Variants in TMEM244 observed in about 807,000 individuals in gnomAD.
The protein encoded by TMEM244 is putative transmembrane protein 244.
TMEM244 carries 13 observed loss-of-function variants against 15.8 expected under a neutral mutation model. The ratio of observed to expected loss-of-function variants is 0.82; its 90% CI spans 0.53 to 1.30. TMEM244 has a LOEUF of 1.30. Among genes scored for constraint, TMEM244 ranks in the 50% most tolerant of loss-of-function variants. TMEM244 has a pLI of 0.00. For synonymous variants in TMEM244, 45 were observed against 48.7 expected, an observed-to-expected ratio of 0.92 and a Z score of 0.32; for missense variants, 161 against 144.9, an observed-to-expected ratio of 1.11 and a Z score of -0.57.
intron 1 of TMEM244, among the ~76,000 whole-genome samples, chr6:129,850,488 ACTCTAT>A (rs887726198): frequency 6.6e-6 from 1 of 152,066 alleles, no homozygotes; most frequent in Admixed American, 6.6e-5. Flanking sequence ...GAAACTGTTG[ACTCTAT>A]CTCCCAATTT....
chr6:129,838,136 A>G (rs1361064510), intron 3 of TMEM244, among the ~76,000 whole-genome samples: 5 of 152,210 alleles, frequency 3.3e-5, no homozygotes, highest in African/African-American at 9.6e-5. Context: ...TCAGCACCAC[A>G]TCGCACTTAC....
chr6:129,858,007 A>T (rs771414972), intron 1 of TMEM244, among the ~76,000 whole-genome samples: 1 of 152,000 alleles, frequency 6.6e-6, no homozygotes, highest in Non-Finnish European at 1.5e-5. Flanking sequence ...TTCTGCTTAG[A>T]TATATGAACA....
intron 1 of TMEM244, among the ~76,000 whole-genome samples, chr6:129,860,171 C>A (rs1208251341): frequency 6.7e-6 from 1 of 149,704 alleles, no homozygotes; most frequent in Non-Finnish European, 1.5e-5. Flanking sequence ...TCTGTGTAAG[C>A]CCCGACTAAA....
At chr6:129,849,431 T>C (rs1351124615) in intron 1 of TMEM244, among the ~76,000 whole-genome samples, 2 of 152,196 alleles carry the variant, frequency 1.3e-5, no homozygotes, top group African/African-American at 4.8e-5. Flanking sequence ...CTTCCTCTGC[T>C]TGATGTCTTT....
chr6:129,850,375 C>T (rs980499735), intron 1 of TMEM244, among the ~76,000 whole-genome samples: 9 of 151,956 alleles, frequency 5.9e-5, no homozygotes, highest in Admixed American at 3.9e-4. Context: ...GCCATTAGGT[C>T]GGGAAAGTAT....
At chr6:129,853,929 A>C (rs1776669786) in intron 1 of TMEM244, among the ~76,000 whole-genome samples, 1 of 152,136 alleles carries the variant, frequency 6.6e-6, no homozygotes, top group South Asian at 2.1e-4. Context: ...ATAATTCAAA[A>C]CGGGAAAGCT....
intron 3 of TMEM244, among the ~76,000 whole-genome samples, chr6:129,838,439 T>C (rs184422896): frequency 1.3e-5 from 2 of 152,308 alleles, no homozygotes; most frequent in Admixed American, 1.3e-4. Context: ...TAAAGCAGTA[T>C]GTAGAGGGAA....
chr6:129,840,080 T>G (rs1254379922), intron 3 of TMEM244, among the ~76,000 whole-genome samples: 1 of 152,084 alleles, frequency 6.6e-6, no homozygotes, highest in African/African-American at 2.4e-5. Context: ...AAAAAACTAC[T>G]CTAAAGTTCA....
At chr6:129,838,319 C>T (rs1389623036) in intron 3 of TMEM244, among the ~76,000 whole-genome samples, 1 of 152,174 alleles carries the variant, frequency 6.6e-6, no homozygotes, top group Non-Finnish European at 1.5e-5. Flanking sequence ...ACTGAACAAC[C>T]TGCTCCTGAA....
At chr6:129,845,491 A>G (rs1040740689) in intron 2 of TMEM244, among the ~76,000 whole-genome samples, 1 of 152,162 alleles carries the variant, frequency 6.6e-6, no homozygotes, top group Non-Finnish European at 1.5e-5. Flanking sequence ...TTAAATAATG[A>G]AAGTAGGCTG....
At chr6:129,856,212 T>C (rs1198765832) in intron 1 of TMEM244, among the ~76,000 whole-genome samples, 1 of 152,152 alleles carries the variant, frequency 6.6e-6, no homozygotes, top group Non-Finnish European at 1.5e-5. Context: ...ATACTGCCTG[T>C]GTTCTTTTTA....
chr6:129,843,195 A>G (rs893131711), intron 3 of TMEM244, among the ~76,000 whole-genome samples: 1 of 152,074 alleles, frequency 6.6e-6, no homozygotes, highest in Non-Finnish European at 1.5e-5. Context: ...TCTATTTTAT[A>G]TCTCACAAAT....
rs1472494434 is a variant in TMEM244, at chr6:129,843,473, T to A, written c.193+57A>T. The A allele has an allele frequency of 3.3e-6, 4 of 1,195,856 alleles. No individual in the cohort carries two copies. The East Asian group carries it at 7.2e-5, about 21-fold the overall frequency. The allele number at this position is 1,195,856 out of a possible 1,614,324, so 74.1% of individuals were successfully genotyped here. ...TAAAATTTTTTTATTAAAAAATTTATGGGGTTAGTGGCATTTAGTTCACTA... is the reference window on the plus strand; with the variant it reads ...TAAAATTTTTTTATTAAAAAATTTAAGGGGTTAGTGGCATTTAGTTCACTA... On this transcript the variant is annotated intron_variant, in intron 3 of 4. Coordinates refer to ENST00000368143, the MANE Select transcript of TMEM244 (RefSeq NM_001010876.2).
In TMEM244 at chr6:129,854,381, T is replaced by C. The variant is rs566573635; in HGVS notation, c.33+6775A>G. Among the ~76,000 whole-genome samples the C allele has an allele frequency of 5.9e-5, 9 of 152,102 alleles. No individual in the cohort carries two copies. The South Asian group carries it at 1.5e-3, about 25-fold the overall frequency. ...CAATCTTTGCTGCACAGTGAGAGAG[T>C]CACCAATCAGGAGATAATTATCAAG... On this transcript the variant is annotated intron_variant, in intron 1 of 4. Coordinates refer to ENST00000368143, the MANE Select transcript of TMEM244 (RefSeq NM_001010876.2).
chr6:129,845,972 T>C, intron 1 of TMEM244, 120 bp from the exon 2 acceptor site: 1 of 658,340 alleles, frequency 1.5e-6, no homozygotes. Context: ...TTGTATTGCT[T>C]AAGGACCCAT....
At chr6:129,831,453 G>A (rs1299552301) in intron 4 of TMEM244, 67 bp from the exon 5 acceptor site, 21 of 1,091,710 alleles carry the variant, frequency 1.9e-5, no homozygotes, top group South Asian at 3.9e-5. Flanking sequence ...GAAGAAATAC[G>A]TCTGTTTGGT....
chr6:129,858,784 A>G lies in TMEM244; in HGVS notation c.33+2372T>C, dbSNP rs183438358. On this transcript the variant is annotated intron_variant, in intron 1 of 4. Coordinates refer to ENST00000368143, the MANE Select transcript of TMEM244 (RefSeq NM_001010876.2). Reference sequence around the variant, plus strand: ...AAATAATGGAAGACAAGACCACTATAGTAGGAACCATAGTCTTTTTTTTTT... The same window carrying G: ...AAATAATGGAAGACAAGACCACTATGGTAGGAACCATAGTCTTTTTTTTTT... Among the ~76,000 whole-genome samples, 905 of 149,366 alleles carry G rather than the reference A, an allele frequency of 6.1e-3. 15 individuals are homozygous for G. The highest frequency in any genetic ancestry group is 5.2e-3 in the Non-Finnish European group (353 of 67,528).
chr6:129,846,915 A>T (rs1227399896), intron 1 of TMEM244, among the ~76,000 whole-genome samples: 1 of 152,208 alleles, frequency 6.6e-6, no homozygotes, highest in East Asian at 1.9e-4. Flanking sequence ...TATTTGACAA[A>T]TGGTGCTGTG....
chr6:129,835,646 C>T (rs1407002581), intron 3 of TMEM244, among the ~76,000 whole-genome samples: 1 of 152,130 alleles, frequency 6.6e-6, no homozygotes, highest in Non-Finnish European at 1.5e-5. Context: ...TTTCCCTTTC[C>T]TAGCTAAGGG....
Sources: gnomAD v4.1 joint callset for allele counts (sites outside exome capture counted in the v4.1 genomes callset) on GRCh38, gnomAD v4.1.1 for gene constraint, MANE v1.5 for transcripts, NCBI Gene and HGNC (gene_info 2026-07-23, HGNC 2026-07-21) for gene names.